SHISA9: variants seen among roughly 807,000 people sequenced by gnomAD.
SHISA9 encodes the protein shisa family member 9, also known as protein shisa-9.
SHISA9 carries 13 observed loss-of-function variants against 38.0 expected under a neutral mutation model. The observed-to-expected ratio is 0.34, with a 90% CI of 0.22 to 0.54. The LOEUF is 0.54. Among genes scored for constraint, SHISA9 ranks in the 20% least tolerant of loss-of-function variants. SHISA9 has a pLI of 0.91. For synonymous variants in SHISA9, 275 were observed against 242.0 expected (o/e 1.14, Z -1.27); for missense variants, 538 against 575.8 (o/e 0.93, Z 0.67).
chr16:12,960,144 C>A (rs1350438206), intron 2 of SHISA9, among the ~76,000 whole-genome samples: 1 of 152,208 alleles, frequency 6.6e-6, no homozygotes, highest in East Asian at 1.9e-4. Flanking sequence ...GCCTTGAACC[C>A]TGGTTACATT....
the SHISA9 span, among the ~76,000 whole-genome samples, chr16:13,477,673 G>A: frequency 6.6e-6 from 1 of 152,144 alleles, no homozygotes; most frequent in African/African-American, 2.4e-5. Flanking sequence ...GCACTTCAAA[G>A]GCTATATTGG....
chr16:13,489,933 A>G, the SHISA9 span, among the ~76,000 whole-genome samples: 1 of 152,194 alleles, frequency 6.6e-6, no homozygotes, highest in South Asian at 2.1e-4. Flanking sequence ...TATGTACACC[A>G]TTGCCTGTGT....
At chr16:13,197,291 T>A (rs1228112773) in intron 2 of SHISA9, among the ~76,000 whole-genome samples, 1 of 152,158 alleles carries the variant, frequency 6.6e-6, no homozygotes, top group East Asian at 1.9e-4. Context: ...GGGATATGCT[T>A]TGAAGGAGTC....
the SHISA9 span, among the ~76,000 whole-genome samples, chr16:13,400,774 G>A: frequency 1.3e-5 from 2 of 152,166 alleles, no homozygotes; most frequent in East Asian, 1.9e-4. Context: ...CCCCCAATAA[G>A]CCAGGTGCTG....
chr16:13,219,907 A>T (rs1038189994), intron 4 of SHISA9, among the ~76,000 whole-genome samples: 36 of 152,126 alleles, frequency 2.4e-4, no homozygotes, highest in African/African-American at 8.4e-4. Flanking sequence ...GCAGTGAGCC[A>T]AGATCACGCC....
intron 3 of SHISA9, among the ~76,000 whole-genome samples, chr16:13,209,976 C>A (rs2051102189): frequency 6.6e-6 from 1 of 151,902 alleles, no homozygotes; most frequent in Admixed American, 6.5e-5. Flanking sequence ...TGGCACATGC[C>A]TGTAGTCTCA....
intron 2 of SHISA9, among the ~76,000 whole-genome samples, chr16:13,019,882 C>CTTTCTTT (rs2072816613): frequency 4.9e-5 from 1 of 20,394 alleles, no homozygotes; most frequent in African/African-American, 1.9e-4. Flanking sequence ...CTCCCTCCCT[C>CTTTCTTT]CCTTCTTTCT....
At chr16:13,538,973 T>G in the SHISA9 span, among the ~76,000 whole-genome samples, 13 of 152,142 alleles carry the variant, frequency 8.5e-5, 1 homozygote, top group East Asian at 2.5e-3. Context: ...ATGCCTTCAA[T>G]GAGTTAATTG....
chr16:13,391,489 A>G, the SHISA9 span, among the ~76,000 whole-genome samples: 1 of 152,226 alleles, frequency 6.6e-6, no homozygotes, highest in African/African-American at 2.4e-5. Flanking sequence ...AACAAAAATC[A>G]GTCCCCAACG....
chr16:13,540,193 CCACACACA>C, the SHISA9 span, among the ~76,000 whole-genome samples: 83 of 149,738 alleles, frequency 5.5e-4, no homozygotes, highest in East Asian at 2.6e-3. Context: ...GCATACATGC[CCACACACA>C]CACACACACA....
chr16:13,414,044 GT>G, the SHISA9 span, among the ~76,000 whole-genome samples: 381 of 152,256 alleles, frequency 2.5e-3, 2 homozygotes, highest in African/African-American at 9.0e-3. Context: ...ACCACTTGAG[GT>G]TCATCTTGTT....
At chr16:13,461,055 C>T in the SHISA9 span, among the ~76,000 whole-genome samples, 13 of 152,306 alleles carry the variant, frequency 8.5e-5, no homozygotes, top group Non-Finnish European at 2.9e-5. Context: ...AACATATCAA[C>T]GAGACAGTTT....
At chr16:13,022,286 G>A (rs933786347) in intron 2 of SHISA9, among the ~76,000 whole-genome samples, 1 of 151,838 alleles carries the variant, frequency 6.6e-6, no homozygotes, top group African/African-American at 2.4e-5. Context: ...CGAGTAACTG[G>A]GACGACAGGC....
rs4781439 is a variant in SHISA9, at chr16:13,237,169, C to T, written c.*1760C>T. 23,148 of 152,084 alleles carry T rather than the reference C, an allele frequency of 0.15. 2,061 individuals are homozygous for T. The highest frequency in any genetic ancestry group is 0.28 in the South Asian group (1,343 of 4,800). 9.4% of individuals were successfully genotyped at this position (152,084 alleles called of 1,614,324 possible). On this transcript the variant is annotated 3_prime_UTR_variant, in exon 5 of 5. Coordinates refer to ENST00000558583, the MANE Select transcript of SHISA9 (RefSeq NM_001145204.3). ...GAGTATTTTCTGAAATCCTGAGCTG[C>T]AAGGTTCTGCCTCACCTGTCTCTCC...
the SHISA9 span, among the ~76,000 whole-genome samples, chr16:13,348,600 C>T: frequency 6.6e-6 from 1 of 151,586 alleles, no homozygotes; most frequent in African/African-American, 2.4e-5. Context: ...CTCCACAGTC[C>T]CACTTAACCA....
chr16:13,056,556 G>A (rs920196730), intron 2 of SHISA9, among the ~76,000 whole-genome samples: 3 of 152,176 alleles, frequency 2.0e-5, no homozygotes, highest in African/African-American at 7.2e-5. Flanking sequence ...GTTATGGGTT[G>A]GAAGGATTTA....
chr16:13,221,370 C>T (rs1162707035), intron 4 of SHISA9, among the ~76,000 whole-genome samples: 1 of 151,626 alleles, frequency 6.6e-6, no homozygotes, highest in Non-Finnish European at 1.5e-5. Flanking sequence ...TTTCTGTCTG[C>T]TGAGACAGCC....
At chr16:13,108,740 T>A (rs928362303) in intron 2 of SHISA9, among the ~76,000 whole-genome samples, 1 of 152,220 alleles carries the variant, frequency 6.6e-6, no homozygotes, top group African/African-American at 2.4e-5. Flanking sequence ...GGGGGAAATA[T>A]TGAATTTGAT....
the SHISA9 span, among the ~76,000 whole-genome samples, chr16:13,397,731 G>T: frequency 1.3e-5 from 2 of 152,276 alleles, no homozygotes; most frequent in East Asian, 3.9e-4. Context: ...ACTGTGCCCG[G>T]CCACAGTGTG....
Sources: allele counts gnomAD v4.1 joint callset (sites outside exome capture counted in the v4.1 genomes callset), GRCh38; gene constraint gnomAD v4.1.1; transcripts MANE v1.5; gene names NCBI Gene and HGNC (gene_info 2026-07-23, HGNC 2026-07-21).